TNK2: variants seen among roughly 807,000 people sequenced by gnomAD.
The protein encoded by TNK2 is activated CDC42 kinase 1.
Under a neutral mutation model 101.8 loss-of-function variants are expected in TNK2, and 83 were observed. That is an observed-to-expected ratio of 0.82 (90% CI 0.68 to 0.98). The LOEUF is 0.98. TNK2 is among the 50% of genes least tolerant of loss of function. The pLI is 0.00. For missense variants in TNK2, 1,665 were observed against 1,483.2 expected, an observed-to-expected ratio of 1.12 and a Z score of -2.01; for synonymous variants, 804 against 633.0, an observed-to-expected ratio of 1.27 and a Z score of -4.06.
intron 10 of TNK2, chr3:195,870,511 C>A (rs541107587): frequency 4.9e-6 from 4 of 812,942 alleles, no homozygotes; most frequent in African/African-American, 1.8e-5. Flanking sequence ...CACCAGGCAG[C>A]GGCCAGAGGG....
intron 1 of TNK2, among the ~76,000 whole-genome samples, chr3:195,890,415 C>T (rs1757897061): frequency 6.7e-6 from 1 of 148,652 alleles, no homozygotes; most frequent in East Asian, 2.0e-4. Flanking sequence ...TATGATCCCA[C>T]TTTATATATA....
At chr3:195,891,658 C>T (rs1758500227) in intron 1 of TNK2, among the ~76,000 whole-genome samples, 2 of 151,828 alleles carry the variant, frequency 1.3e-5, no homozygotes, top group South Asian at 2.1e-4. Context: ...GCAAAGTGAC[C>T]CCCCCCCTCC....
Position 195,872,444 on chromosome 3 carries a change from T to C in TNK2, c.1283A>G (p.Gln428Arg). Reference protein sequence around the residue: ...GRAENYWWRGQNTRTLCVGPF... With the variant: ...GRAENYWWRGRNTRTLCVGPF... ...CCCCACACACAGCGTCCGTGTGTTC[T>C]GGCCACGCCACCAGTAGTTCTCGGC... Residue 428 changes from glutamine (Q) to arginine (R), a missense_variant, in exon 10 of 16, where the codon CAG becomes CGG. By Grantham distance (43) the Gln-to-Arg change is conservative. This residue lies in a region of TNK2 where 1,136 missense variants were observed against 894.9 expected (regional missense o/e 1.27). Coordinates refer to ENST00000672887, the MANE Select transcript of TNK2 (RefSeq NM_001382273.1). 2 of 1,605,784 alleles carry C rather than the reference T, an allele frequency of 1.2e-6. No homozygotes were observed. The highest frequency in any genetic ancestry group is 1.7e-6 in the Non-Finnish European group (2 of 1,175,218).
chr3:195,867,029 G>A lies in TNK2; in HGVS notation c.3034-13C>T. 2.5e-6 allele frequency: 4 copies of A among 1,612,978 alleles called. No homozygotes were observed. The highest frequency in any genetic ancestry group is 2.2e-5 in the East Asian group (1 of 44,866). On this transcript the variant is annotated splice_polypyrimidine_tract_variant and intron_variant, in intron 14 of 15. Coordinates refer to ENST00000672887, the MANE Select transcript of TNK2 (RefSeq NM_001382273.1). ...AGAGCTGCTCCACCTGGGGGTAAGG[G>A]TGGCGCCATGGACACGCGGGCCCAG...
Position 195,868,444 on chromosome 3 carries a change from G to A in TNK2, c.1854C>T (p.Thr618=). ...AMDACSLLDE[T]PPQSPTRALP... is the part of the protein sequence containing the mutation. ...GTGCCCGCGTGGGGCTCTGAGGCGG[G>A]GTCTCGTCCAGCAGGGAGCAGGCGT... Residue 618 remains threonine, a synonymous_variant, in exon 13 of 16, where the codon ACC becomes ACT. Transcript: ENST00000672887. 6.4e-7 allele frequency: 1 copy of A among 1,564,884 alleles called. No homozygotes were observed. The highest frequency in any genetic ancestry group is 1.1e-5 in the South Asian group (1 of 87,372).
rs778746579 is a variant in TNK2, at chr3:195,885,658, G to A, written c.235-625C>T. On this transcript the variant is annotated intron_variant, in intron 3 of 15. Coordinates refer to ENST00000672887, the MANE Select transcript of TNK2 (RefSeq NM_001382273.1). The surrounding 1 kb of genome is among the most constrained non-coding windows in gnomAD (Gnocchi z 4.7). ...CTGGGAAGACAGCTGGGTCTCTGGAGGGGCGCCTAGAGCTGAGGGCTGAGA... is the reference window on the plus strand; with the variant it reads ...CTGGGAAGACAGCTGGGTCTCTGGAAGGGCGCCTAGAGCTGAGGGCTGAGA... 260 of 1,166,898 alleles carry A rather than the reference G, an allele frequency of 2.2e-4. No homozygotes were observed. Among genetic ancestry groups the A allele is most frequent in the Non-Finnish European group, 2.8e-4 (246 of 878,496 alleles). The allele number at this position is 1,166,898 out of a possible 1,614,324, so 72.3% of individuals were successfully genotyped here.
intron 12 of TNK2, chr3:195,869,004 G>A (rs1374957217): frequency 6.1e-6 from 3 of 491,194 alleles, no homozygotes; most frequent in East Asian, 3.5e-5. Context: ...GCCTCCACCA[G>A]CACAAGACCC....
intron 15 of TNK2, 148 bp from the exon 16 acceptor site, chr3:195,864,335 T>G (rs1202813179): frequency 3.7e-6 from 3 of 819,284 alleles, no homozygotes; most frequent in African/African-American, 3.4e-5. Flanking sequence ...CTGGATGTCT[T>G]TTCTCTGTAC....
intron 9 of TNK2, among the ~76,000 whole-genome samples, chr3:195,877,088 C>T (rs1749821887): frequency 6.6e-6 from 1 of 152,136 alleles, no homozygotes; most frequent in African/African-American, 2.4e-5. Flanking sequence ...CACCCTTAAT[C>T]TTCCTATTTC....
chr3:195,906,593 G>A (rs919623522), intron 1 of TNK2, among the ~76,000 whole-genome samples: 1 of 152,046 alleles, frequency 6.6e-6, no homozygotes, highest in African/African-American at 2.4e-5. Context: ...GATGGCAGAG[G>A]AGCGGGGGAT....
intron 1 of TNK2, among the ~76,000 whole-genome samples, chr3:195,899,395 C>T (rs372582848): frequency 2.0e-4 from 30 of 152,044 alleles, no homozygotes; most frequent in Admixed American, 1.3e-3. Context: ...GGCGCGATCT[C>T]GGCTGACTGC....
In TNK2 at chr3:195,863,780, C is replaced by G. The variant is rs1738822249; in HGVS notation, c.*401G>C. The G allele has an allele frequency of 4.8e-6, 1 of 208,486 alleles. No individual in the cohort carries two copies. The highest frequency in any genetic ancestry group is 5.7e-5 in the Admixed American group (1 of 17,696). 12.9% of individuals were successfully genotyped at this position (208,486 alleles called of 1,614,324 possible). ...GGTCCGCCTCTCCCTGTGGCCAACA[C>G]ATCCCGCCTGCCCAGGTCCAGCCTG... On this transcript the variant is annotated 3_prime_UTR_variant, in exon 16 of 16. Transcript: ENST00000672887.
Position 195,878,733 on chromosome 3 carries a change from G to A in TNK2, c.1015-141C>T, listed in dbSNP as rs1486807152. ...AGAAGGGATCTGCCTGCCTGGGAGG[G>A]GCCCTCTCCAGAGCCCCAGTCCCTT... is the stretch of plus-strand genomic sequence containing the variant. On this transcript the variant is annotated intron_variant, in intron 7 of 15. Transcript: ENST00000672887. The surrounding 1 kb of genome is among the most constrained non-coding windows in gnomAD (Gnocchi z 4.7). 6 of 1,309,842 alleles carry A rather than the reference G, an allele frequency of 4.6e-6. No individual in the cohort carries two copies. Among genetic ancestry groups the A allele is most frequent in the Non-Finnish European group, 6.2e-6 (6 of 970,108 alleles). 81.1% of individuals were successfully genotyped at this position (1,309,842 alleles called of 1,614,324 possible). A position where few individuals can be genotyped will look rare whatever the true frequency, so the allele number is the denominator to read the frequency against.
chr3:195,876,508 A>T (rs374967419), intron 9 of TNK2: 1 of 456,674 alleles, frequency 2.2e-6, no homozygotes, highest in African/African-American at 2.0e-5. Context: ...ATATTCAGGG[A>T]CTGAAGAAAC....
intron 1 of TNK2, among the ~76,000 whole-genome samples, chr3:195,907,453 G>A (rs1761852722): frequency 6.6e-6 from 1 of 152,202 alleles, no homozygotes; most frequent in Non-Finnish European, 1.5e-5. Flanking sequence ...TCGGGCTGGG[G>A]CAGAGGAGGG....
intron 9 of TNK2, among the ~76,000 whole-genome samples, chr3:195,875,611 A>AG (rs1748646405): frequency 6.6e-6 from 1 of 152,114 alleles, no homozygotes; most frequent in South Asian, 2.1e-4. Flanking sequence ...AGCAGTCCAG[A>AG]GGGGACTGAG....
At position 195,882,904 on chromosome 3, in the gene TNK2, T is replaced by C. The variant is rs1753830291; in HGVS notation, c.609+253A>G. Among the ~76,000 whole-genome samples the C allele has an allele frequency of 6.6e-6, 1 of 152,122 alleles. No individual in the cohort carries two copies. Among genetic ancestry groups the C allele is most frequent in the Non-Finnish European group, 1.5e-5 (1 of 68,012 alleles). On this transcript the variant is annotated intron_variant, in intron 5 of 15. Transcript: ENST00000672887. The surrounding 1 kb of genome is among the most constrained non-coding windows in gnomAD (Gnocchi z 4.2). Reference sequence around the variant, plus strand: ...CATAAATTCCCCAAATTAAACTCAGTGGCCAGCCCCTCCCATGGGAGTAAC... The same window carrying C: ...CATAAATTCCCCAAATTAAACTCAGCGGCCAGCCCCTCCCATGGGAGTAAC...
rs903430449 is a variant in TNK2, at chr3:195,867,956, G to A, written c.2342C>T (p.Thr781Ile). 1 of 1,545,884 alleles carries A rather than the reference G, an allele frequency of 6.5e-7. No homozygotes were observed. The highest frequency in any genetic ancestry group is 8.6e-7 in the Non-Finnish European group (1 of 1,158,076). Residue 781 changes from threonine to isoleucine, a missense_variant, in exon 13 of 16, where the codon ACC (threonine) becomes ATC (isoleucine). Thr to Ile is a moderately conservative substitution (Grantham distance 89, BLOSUM62 -1). Around this residue, in one of 3 missense-constraint regions of TNK2, gnomAD observed 1,136 missense variants for 894.9 expected, o/e 1.27. Transcript: ENST00000672887. ...GGAAGCAGGTCCAGGCCACTGGCTG[G>A]TCTCCTCCTCGCCCGGGGGGGCTGG... is the stretch of plus-strand genomic sequence containing the variant. ...LSPAPPGEEE[T>I]SQWPGPASPP...
In TNK2 at chr3:195,886,789, CACTT is replaced by C. The variant is rs1449914169; in HGVS notation, c.234+184_234+187del. 6.6e-6 allele frequency among the ~76,000 whole-genome samples: 1 copy of C among 152,216 alleles called. No homozygotes were observed. Among genetic ancestry groups the C allele is most frequent in the Non-Finnish European group, 1.5e-5 (1 of 68,032 alleles). The stretch of plus-strand genomic sequence containing the variant: ...CGTGTCCGTATCTGGCGGAGACAGA[CACTT>C]AGCCCAGCAGCTCTACAAGTGCCCT... On this transcript the variant is annotated intron_variant, in intron 3 of 15. Transcript: ENST00000672887. This position sits in a 1 kb window ranked among gnomAD's most constrained non-coding sequence, Gnocchi z 4.2.
Sources: allele counts gnomAD v4.1 joint callset (sites outside exome capture counted in the v4.1 genomes callset), GRCh38; gene constraint gnomAD v4.1.1; regional missense constraint gnomAD v4.1.1; non-coding constraint Gnocchi (gnomAD v3.1); transcripts MANE v1.5; gene names NCBI Gene and HGNC (gene_info 2026-07-23, HGNC 2026-07-21).